The following STXBP5L variants were observed in gnomAD, a reference collection of about 807,000 sequenced individuals.
STXBP5L encodes the protein syntaxin-binding protein 5-like.
Under a neutral mutation model 144.5 loss-of-function variants are expected in STXBP5L, and 65 were observed. The observed-to-expected ratio is 0.45, with a 90% CI of 0.37 to 0.55. STXBP5L has a LOEUF of 0.55. STXBP5L is among the 20% of genes least tolerant of loss of function. The pLI, the probability that STXBP5L is intolerant of heterozygous loss-of-function variation, is 0.00. For synonymous variants in STXBP5L, 505 were observed against 469.6 expected (o/e 1.08, Z -0.97); for missense variants, 1,298 against 1,405.5 (o/e 0.92, Z 1.22).
At chr3:121,310,938 A>T (rs1330612951) in intron 19 of STXBP5L, among the ~76,000 whole-genome samples, 2 of 152,268 alleles carry the variant, frequency 1.3e-5, no homozygotes, top group Non-Finnish European at 2.9e-5. Context: ...TAAGCAAATT[A>T]AAAGATAAAT....
At position 120,947,024 on chromosome 3, in the gene STXBP5L, A is replaced by C. The variant is rs80257356; in HGVS notation, c.190-7916A>C. ...TCTATTACATATTTATTTGCTTCAA[A>C]TATCTAGATAGATTTGTGTAACTAT... On this transcript the variant is annotated intron_variant, in intron 2 of 26. Coordinates refer to ENST00000471454, the MANE Select transcript of STXBP5L (RefSeq NM_001308330.2). Among the ~76,000 whole-genome samples, 56 of 151,876 alleles carry C rather than the reference A, an allele frequency of 3.7e-4. No homozygotes were observed. In the East Asian group the frequency reaches 9.9e-3, roughly 27 times the overall value.
intron 22 of STXBP5L, among the ~76,000 whole-genome samples, chr3:121,398,596 C>T (rs893047273): frequency 6.6e-5 from 10 of 152,182 alleles, no homozygotes; most frequent in African/African-American, 2.2e-4. Flanking sequence ...TATCTGGCGG[C>T]CTGACTTGCT....
chr3:120,983,295 C>T (rs1428345572), intron 3 of STXBP5L, among the ~76,000 whole-genome samples: 2 of 151,976 alleles, frequency 1.3e-5, no homozygotes, highest in African/African-American at 2.4e-5. Flanking sequence ...TCTGCCATGG[C>T]ATATGTATAT....
chr3:121,065,724 G>C (rs2041511821), intron 5 of STXBP5L, among the ~76,000 whole-genome samples: 1 of 152,068 alleles, frequency 6.6e-6, no homozygotes, highest in South Asian at 2.1e-4. Context: ...GCTTATTTGA[G>C]AATTAAAAAA....
At chr3:121,255,845 C>A (rs756748606) in intron 16 of STXBP5L, among the ~76,000 whole-genome samples, 1 of 152,022 alleles carries the variant, frequency 6.6e-6, no homozygotes, top group African/African-American at 2.4e-5. Flanking sequence ...AATGAAGCCA[C>A]CTATAAACAA....
chr3:121,081,047 A>AT lies in STXBP5L; in HGVS notation c.471-33871dup, dbSNP rs557409805. The stretch of plus-strand genomic sequence containing the variant: ...TAATCTCATATTTCTTGGAGACTTT[A>AT]TTTTTTTAATTCTTTTTTTTTCATT... On this transcript the variant is annotated intron_variant, in intron 5 of 26. Coordinates refer to ENST00000471454, the MANE Select transcript of STXBP5L (RefSeq NM_001308330.2). Among the ~76,000 whole-genome samples, 34 of 151,646 alleles carry AT rather than the reference A, an allele frequency of 2.2e-4. No individual in the cohort carries two copies. The South Asian group carries it at 7.1e-3, about 32-fold the overall frequency.
At chr3:120,936,689 A>G (rs1008840242) in intron 2 of STXBP5L, among the ~76,000 whole-genome samples, 2 of 151,266 alleles carry the variant, frequency 1.3e-5, no homozygotes, top group African/African-American at 4.9e-5. Flanking sequence ...GGTTCACCAC[A>G]ACCTCCACCT....
intron 18 of STXBP5L, 115 bp downstream of exon 18, chr3:121,259,283 A>G: frequency 1.4e-6 from 1 of 737,394 alleles, no homozygotes; most frequent in Non-Finnish European, 1.9e-6. Context: ...GATTTTTATT[A>G]GATTAAACAA....
chr3:121,330,491 C>T (rs754540623), intron 20 of STXBP5L, among the ~76,000 whole-genome samples: 2 of 152,198 alleles, frequency 1.3e-5, no homozygotes, highest in Non-Finnish European at 2.9e-5. Context: ...ACCCTAATGG[C>T]TTAACACAAA....
intron 20 of STXBP5L, among the ~76,000 whole-genome samples, chr3:121,371,782 A>G (rs1446280940): frequency 3.3e-5 from 5 of 152,262 alleles, no homozygotes; most frequent in African/African-American, 1.2e-4. Context: ...CAGGGCCACT[A>G]TTTTCTGTGC....
intron 20 of STXBP5L, among the ~76,000 whole-genome samples, chr3:121,373,409 C>T (rs562554649): frequency 6.6e-6 from 1 of 152,294 alleles, no homozygotes; most frequent in East Asian, 1.9e-4. Context: ...GGAGGGAATT[C>T]GTGCTGGGAC....
intron 3 of STXBP5L, among the ~76,000 whole-genome samples, chr3:121,000,152 C>T (rs1358533229): frequency 2.0e-5 from 3 of 152,070 alleles, no homozygotes; most frequent in Admixed American, 1.3e-4. Context: ...TGAATGTGAA[C>T]CTCTCTAGTG....
chr3:121,256,169 A>T (rs879071369), intron 16 of STXBP5L, among the ~76,000 whole-genome samples: 4 of 152,070 alleles, frequency 2.6e-5, no homozygotes, highest in African/African-American at 7.2e-5. Context: ...ATAAATACCA[A>T]TTTCATAGGG....
At position 121,089,092 on chromosome 3, in the gene STXBP5L, TAAAAAAAAAA is replaced by T. The variant is rs375977537; in HGVS notation, c.471-25816_471-25807del. Among the ~76,000 whole-genome samples, 11 of 56,158 alleles carry T rather than the reference TAAAAAAAAAA, an allele frequency of 2.0e-4. No individual in the cohort carries two copies. In the East Asian group the frequency reaches 4.1e-3, roughly 21 times the overall value. The allele number at this position is 56,158 out of a possible 152,430, so 36.8% of individuals were successfully genotyped here. On this transcript the variant is annotated intron_variant, in intron 5 of 26. Transcript: ENST00000471454. ...ATGTACCCTAAAACTTAGAGTATAATAAAAAAAAAAAAAAAAAAAAAAAAAAGAAGCTCCA... is the reference window on the plus strand; with the variant it reads ...ATGTACCCTAAAACTTAGAGTATAATAAAAAAAAAAAAAAAAGAAGCTCCA...
At chr3:121,395,997 T>C (rs1322787048) in intron 22 of STXBP5L, among the ~76,000 whole-genome samples, 1 of 152,248 alleles carries the variant, frequency 6.6e-6, no homozygotes, top group African/African-American at 2.4e-5. Context: ...AAATTGGCTG[T>C]TGATTTTGGC....
rs974129400 is a variant in STXBP5L at position 121,086,605 on chromosome 3, C to G, written c.471-28320C>G. 6.1e-4 allele frequency among the ~76,000 whole-genome samples: 93 copies of G among 152,118 alleles called. 1 individual carries two copies. The highest frequency in any genetic ancestry group is 1.0e-4 in the Non-Finnish European group (7 of 67,942). ...ATTCCTTATCCAAAATGTTTGAGAC[C>G]AGAAGTGTTTTGGATTTTAGATTTT... On this transcript the variant is annotated intron_variant, in intron 5 of 26. Coordinates refer to ENST00000471454, the MANE Select transcript of STXBP5L (RefSeq NM_001308330.2).
In STXBP5L at chr3:121,415,975, A is replaced by C; in HGVS notation, c.3226+7A>C. The C allele has an allele frequency of 1.2e-6, 2 of 1,605,854 alleles. No individual in the cohort carries two copies. The highest frequency in any genetic ancestry group is 1.7e-6 in the Non-Finnish European group (2 of 1,173,700). ...TTTGACAGAGAAGAGCTCTGTGAGT[A>C]AATTCCTGATTATAGAAATGTATTG... On this transcript the variant is annotated splice_region_variant and intron_variant, in intron 25 of 26. Transcript: ENST00000471454.
At chr3:121,350,642 G>T (rs1017272398) in intron 20 of STXBP5L, among the ~76,000 whole-genome samples, 2 of 152,092 alleles carry the variant, frequency 1.3e-5, no homozygotes, top group African/African-American at 4.8e-5. Context: ...ATATTTCTTG[G>T]AGGCTTTGTT....
At chr3:121,055,172 T>C (rs1240655302) in intron 5 of STXBP5L, among the ~76,000 whole-genome samples, 1 of 152,154 alleles carries the variant, frequency 6.6e-6, no homozygotes, top group Non-Finnish European at 1.5e-5. Context: ...TACATACATA[T>C]TGTCATGTAA....
Sources: gnomAD v4.1 joint callset for allele counts (sites outside exome capture counted in the v4.1 genomes callset) on GRCh38, gnomAD v4.1.1 for gene constraint, MANE v1.5 for transcripts, NCBI Gene and HGNC (gene_info 2026-07-23, HGNC 2026-07-21) for gene names.